TTN: variants seen among roughly 807,000 people sequenced by gnomAD.
The protein encoded by TTN is connectin.
A neutral mutation model predicts 3,223.0 loss-of-function variants in TTN; 1,525 were observed. That is an observed-to-expected ratio of 0.47 (90% CI 0.45 to 0.49). The LOEUF is 0.49. TTN is among the 20% of genes least tolerant of loss of function. The pLI, the probability that TTN is intolerant of heterozygous loss-of-function variation, is 0.00. For missense variants in TTN, 40,786 were observed against 43,424.0 expected, an observed-to-expected ratio of 0.94 and a Z score of 5.40; for synonymous variants, 14,094 against 15,161.0, an observed-to-expected ratio of 0.93 and a Z score of 5.17.
Position 178,588,053 on chromosome 2 carries a change from C to G in TTN, c.63354G>C (p.Arg21118=), listed in dbSNP as rs1440664418. 9 of 1,612,990 alleles carry G rather than the reference C, an allele frequency of 5.6e-6. No individual in the cohort carries two copies. The South Asian group carries it at 8.8e-5, about 16-fold the overall frequency. Residue 21118 remains arginine, a synonymous_variant, in exon 305 of 363, where the codon CGG becomes CGC. Transcript: ENST00000589042. The stretch of plus-strand genomic sequence containing the variant: ...GTACAAGCTGTGCTGCAGCATTACA[C>G]CGTTTCCAGCCTTCATCAGGAGACG... ...ADASPDEGWK[R]CNAAAQLVRK...
In TTN at chr2:178,580,544, T is replaced by C. The variant is rs780268398; in HGVS notation, c.66835A>G (p.Met22279Val). ...CCTTTTACTGGTACATATAGTCTCATAGTAACTCCAGCACGTAATATGAGT... is the reference window on the plus strand; with the variant it reads ...CCTTTTACTGGTACATATAGTCTCACAGTAACTCCAGCACGTAATATGAGT... The part of the protein sequence containing the change: ...KTLILRAGVT[M>V]RLYVPVKGRP... The change falls in exon 317 of 363, where the codon ATG becomes GTG. Residue 22279 changes from methionine (M) to valine (V), a missense_variant. By Grantham distance (21) the Met-to-Val change is conservative (BLOSUM62 1). Coordinates refer to ENST00000589042, the MANE Select transcript of TTN (RefSeq NM_001267550.2). 3.7e-6 allele frequency: 6 copies of C among 1,612,774 alleles called. No homozygotes were observed. The East Asian group carries it at 1.1e-4, about 30-fold the overall frequency.
chr2:178,717,837 AT>A (rs1325822434), intron 86 of TTN, 27 bp from the exon 87 acceptor site: 1 of 1,583,936 alleles, frequency 6.3e-7, no homozygotes, highest in Non-Finnish European at 8.6e-7. Context: ...GATAATCCTT[AT>A]TTACAGGTGA....
Position 178,640,085 on chromosome 2 carries a change from A to G in TTN, c.40749T>C (p.Pro13583=), listed in dbSNP as rs772553812. The G allele has an allele frequency of 6.2e-7, 1 of 1,611,956 alleles. No homozygotes were observed. Among genetic ancestry groups the G allele is most frequent in the Admixed American group, 1.7e-5 (1 of 59,876 alleles). Residue 13583 remains proline (P), a synonymous_variant, in exon 222 of 363, where the codon CCT becomes CCC. Transcript: ENST00000589042. ...TTGGTTTCGGTTCAGGTGCAGGGAG[A>G]GGTATTGCTGGCTTGATTTCAGGCA... The part of the protein sequence containing the change: ...TKVPEIKPAI[P]LPAPEPKPKP...
At chr2:178,652,608 G>C (rs1269153382) in intron 201 of TTN, 45 bp downstream of exon 201, 6 of 1,611,018 alleles carry the variant, frequency 3.7e-6, no homozygotes, top group African/African-American at 1.3e-5. Context: ...ATTTTCAAGA[G>C]TAGAAGAGAT....
chr2:178,769,128 G>A (rs950107253), intron 37 of TTN, among the ~76,000 whole-genome samples, 195 bp from the exon 38 acceptor site: 2 of 151,992 alleles, frequency 1.3e-5, no homozygotes, highest in African/African-American at 4.8e-5. Context: ...GAAAGATCAA[G>A]TGATAGACAC....
At position 178,684,722 on chromosome 2, in the gene TTN, G is replaced by A; in HGVS notation, c.32582C>T (p.Pro10861Leu). The change falls in exon 131 of 363, where the codon CCA becomes CTA. Residue 10861 changes from proline to leucine, a missense_variant. By Grantham distance (98) the Pro-to-Leu change is moderately conservative. Transcript: ENST00000589042. Reference protein sequence around the residue: ...KVPEEPKKPVPEKKVPPKVIK... With the variant: ...KVPEEPKKPVLEKKVPPKVIK... ...GACTTTTGGAGGAACCTTTTTTTCT[G>A]GAACTGGTTTCTTTGGCTCTTCTGG... 6.2e-7 allele frequency: 1 copy of A among 1,612,694 alleles called. No individual in the cohort carries two copies. The highest frequency in any genetic ancestry group is 8.5e-7 in the Non-Finnish European group (1 of 1,179,374).
chr2:178,620,832 G>C lies in TTN; in HGVS notation c.45778C>G (p.Leu15260Val), dbSNP rs758419306. Residue 15260 changes from leucine to valine, a missense_variant, in exon 247 of 363, where the codon CTA becomes GTA. Coordinates refer to ENST00000589042, the MANE Select transcript of TTN (RefSeq NM_001267550.2). ...TCTCTAATTCTGAGGGTGTAGACTA[G>C]GTCTTTTTGGAGAATGATGTATTTT... ...SSKYIILQKD[L>V]VYTLRIRDAH... is the part of the protein sequence containing the mutation. The C allele has an allele frequency of 2.5e-6, 4 of 1,612,350 alleles. No individual in the cohort carries two copies. Among genetic ancestry groups the C allele is most frequent in the African/African-American group, 1.3e-5 (1 of 74,710 alleles).
At position 178,713,951 on chromosome 2, in the gene TTN, C is replaced by G; in HGVS notation, c.26707G>C (p.Glu8903Gln). ...APSDSGVYSF[E>Q]VQNPVGKDSC... is the part of the protein sequence containing the mutation. ...TCTTTGCCAACAGGGTTCTGCACCT[C>G]AAAACTGTATACCCCACTGTCACTC... The change falls in exon 92 of 363, where the codon GAG (glutamate) becomes CAG (glutamine). Residue 8903 changes from glutamate (E) to glutamine (Q), a missense_variant. By Grantham distance (29) the Glu-to-Gln change is conservative (BLOSUM62 2). Coordinates refer to ENST00000589042, the MANE Select transcript of TTN (RefSeq NM_001267550.2). 6.2e-7 allele frequency: 1 copy of G among 1,613,704 alleles called. No homozygotes were observed. Among genetic ancestry groups the G allele is most frequent in the Non-Finnish European group, 8.5e-7 (1 of 1,179,714 alleles).
At chr2:178,691,432 G>A (rs2072404975) in intron 121 of TTN, among the ~76,000 whole-genome samples, 1 of 152,118 alleles carries the variant, frequency 6.6e-6, no homozygotes, top group African/African-American at 2.4e-5. Context: ...ATTAGATAAC[G>A]GAAACATTTA....
At chr2:178,681,300 C>T (rs1270682415) in intron 137 of TTN, 76 bp downstream of exon 137, 5 of 1,478,490 alleles carry the variant, frequency 3.4e-6, no homozygotes, top group Non-Finnish European at 2.8e-6. Flanking sequence ...CACAGACCAT[C>T]AGACGGGCTA....
At chr2:178,710,001 C>T (rs1320985464) in intron 98 of TTN, 145 bp from the exon 99 acceptor site, 5 of 824,456 alleles carry the variant, frequency 6.1e-6, no homozygotes, top group Non-Finnish European at 9.2e-6. Flanking sequence ...TGTTCCTAAA[C>T]ATTTCAGCCT....
Position 178,767,269 on chromosome 2 carries a change from G to C in TTN, c.9471+490C>G, listed in dbSNP as rs75679417. On this transcript the variant is annotated intron_variant, in intron 40 of 362. Coordinates refer to ENST00000589042, the MANE Select transcript of TTN (RefSeq NM_001267550.2). ...ACAAGCTCTGTAAATGCAGCCGACA[G>C]CAAGAGTGCCCAGCATCCTTGCCAG... Among the ~76,000 whole-genome samples the C allele has an allele frequency of 1.9e-3, 293 of 152,330 alleles. 3 individuals carry two copies. The highest frequency in any genetic ancestry group is 6.8e-3 in the African/African-American group (281 of 41,584).
In TTN at chr2:178,636,057, G is replaced by T. The variant is rs369348617; in HGVS notation, c.41514C>A (p.Thr13838=). ...CATCTGTGTCATCTGCATCGTTGAT[G>T]GTCAGAGCCCGCATCAAGCCAATGA... The part of the protein sequence containing the change: ...PGVIGLMRAL[T]INDADDTDAG... Residue 13838 remains threonine (T), a synonymous_variant, in exon 226 of 363, where the codon ACC becomes ACA. Coordinates refer to ENST00000589042, the MANE Select transcript of TTN (RefSeq NM_001267550.2). This position sits in a 1 kb window ranked among gnomAD's most constrained non-coding sequence, Gnocchi z 4.3. 2 of 1,613,154 alleles carry T rather than the reference G, an allele frequency of 1.2e-6. No homozygotes were observed. Among genetic ancestry groups the T allele is most frequent in the African/African-American group, 2.7e-5 (2 of 74,870 alleles).
intron 114 of TTN, among the ~76,000 whole-genome samples, 192 bp from the exon 115 acceptor site, chr2:178,695,602 A>G (rs970442627): frequency 6.6e-6 from 1 of 152,022 alleles, no homozygotes; most frequent in Non-Finnish European, 1.5e-5. Flanking sequence ...CAAGGCAGTA[A>G]AAGTAAAACT....
In TTN at chr2:178,562,311, C is replaced by T. The variant is rs545954394; in HGVS notation, c.83821G>A (p.Glu27941Lys). 61 of 1,613,250 alleles carry T rather than the reference C, an allele frequency of 3.8e-5. No homozygotes were observed. The highest frequency in any genetic ancestry group is 8.3e-5 in the Admixed American group (5 of 59,954). ...TGTCTTGGATCACTTCTTCCCTTTT[C>T]GTTAACTGCAGCTACCCTGAAGACA... Reference protein sequence around the residue: ...EYVFRVAAVNEKGRSDPRQLG... With the variant: ...EYVFRVAAVNKKGRSDPRQLG... The change falls in exon 326 of 363, where the codon GAA becomes AAA. Residue 27941 changes from glutamate (E) to lysine (K), a missense_variant. Glu to Lys is a moderately conservative substitution (Grantham distance 56). Coordinates refer to ENST00000589042, the MANE Select transcript of TTN (RefSeq NM_001267550.2).
intron 316 of TTN, among the ~76,000 whole-genome samples, chr2:178,581,069 G>A (rs944955050): frequency 5.9e-5 from 9 of 152,034 alleles, no homozygotes; most frequent in African/African-American, 1.9e-4. Flanking sequence ...TTATCATGGA[G>A]GATAAGCAAA....
At chr2:178,752,137 C>T (rs1470316861) in intron 47 of TTN, 2 of 1,066,248 alleles carry the variant, frequency 1.9e-6, no homozygotes, top group Non-Finnish European at 2.7e-6. Flanking sequence ...AAATTGCATG[C>T]TACAGATCTC....
In TTN at chr2:178,569,092, C is replaced by G; in HGVS notation, c.77040G>C (p.Glu25680Asp). The G allele has an allele frequency of 6.2e-7, 1 of 1,613,446 alleles. No individual in the cohort carries two copies. Among genetic ancestry groups the G allele is most frequent in the African/African-American group, 1.3e-5 (1 of 75,004 alleles). The change falls in exon 326 of 363, where the codon GAG (glutamate) becomes GAC (aspartate). Residue 25680 changes from glutamate to aspartate, a missense_variant. By Grantham distance (45) the Glu-to-Asp change is conservative (BLOSUM62 2). Transcript: ENST00000589042. ...SYYFRVTAEN[E>D]YGIGLPAQTA... ...TCTGGGCAGGAAGGCCAATACCATACTCATTCTCAGCTGTGACTCTAAAGT... is the reference window on the plus strand; with the variant it reads ...TCTGGGCAGGAAGGCCAATACCATAGTCATTCTCAGCTGTGACTCTAAAGT...
Position 178,604,907 on chromosome 2 carries a change from G to T in TTN, c.54191-9C>A, listed in dbSNP as rs760470929. ...TGGTGGGGATGGGCGGTCTGGAAAG[G>T]AATCAACAGAGAATATTGAGAAGGC... On this transcript the variant is annotated splice_polypyrimidine_tract_variant and intron_variant, in intron 280 of 362. Transcript: ENST00000589042. The T allele has an allele frequency of 6.2e-7, 1 of 1,609,050 alleles. No homozygotes were observed. The highest frequency in any genetic ancestry group is 8.5e-7 in the Non-Finnish European group (1 of 1,177,354).
Sources: allele counts gnomAD v4.1 joint callset (sites outside exome capture counted in the v4.1 genomes callset), GRCh38; gene constraint gnomAD v4.1.1; non-coding constraint Gnocchi (gnomAD v3.1); transcripts MANE v1.5; gene names NCBI Gene and HGNC (gene_info 2026-07-23, HGNC 2026-07-21).